The following PAK3 variants were observed in gnomAD, a reference collection of about 807,000 sequenced individuals.
PAK3 encodes serine/threonine-protein kinase PAK 3.
PAK3 carries 4 observed loss-of-function variants against 41.0 expected under a neutral mutation model. The ratio of observed to expected loss-of-function variants is 0.10; its 90% CI spans 0.05 to 0.22. The LOEUF is 0.22. Among genes scored for constraint, PAK3 ranks in the 10% least tolerant of loss-of-function variants. PAK3 has a pLI of 1.00. For synonymous variants in PAK3, 146 were observed against 139.6 expected, an observed-to-expected ratio of 1.05 and a Z score of -0.32; for missense variants, 205 against 409.9, an observed-to-expected ratio of 0.50 and a Z score of 4.32.
At chrX:111,114,709 G>A (rs2093432447) in intron 4 of PAK3, among the ~76,000 whole-genome samples, 2 of 111,601 alleles carry the variant, frequency 1.8e-5, no homozygotes. Context: ...TGACGTAGAG[G>A]ATTTGTCAGG....
chrX:111,066,144 G>A (rs1383556020), intron 1 of PAK3, among the ~76,000 whole-genome samples: 1 of 111,672 alleles, frequency 9.0e-6, no homozygotes, highest in East Asian at 2.8e-4. Flanking sequence ...TGTGATGTCA[G>A]ATCAGTAATT....
At chrX:110,987,864 G>A (rs1446465498) in intron 1 of PAK3, among the ~76,000 whole-genome samples, 2 of 110,930 alleles carry the variant, frequency 1.8e-5, no homozygotes, top group Non-Finnish European at 3.8e-5. Flanking sequence ...GGCTCAAACA[G>A]ACCCCTCACA....
At chrX:111,084,714 T>G (rs1343456632) in intron 1 of PAK3, among the ~76,000 whole-genome samples, 1 of 112,422 alleles carries the variant, frequency 8.9e-6, no homozygotes, top group Non-Finnish European at 1.9e-5. Context: ...AGTTTTTAAC[T>G]ACATTGTCTG....
intron 1 of PAK3, among the ~76,000 whole-genome samples, chrX:111,046,218 G>A (rs763985615): frequency 6.3e-5 from 7 of 111,577 alleles, no homozygotes; most frequent in Admixed American, 2.9e-4. Context: ...TGCTGTCAGC[G>A]AAAGGAAGGG....
intron 11 of PAK3, among the ~76,000 whole-genome samples, chrX:111,178,234 G>T (rs1443632544): frequency 2.7e-5 from 3 of 110,999 alleles, no homozygotes; most frequent in East Asian, 5.7e-4. Context: ...TCTTTGGCTG[G>T]CCTGGTCCTA....
intron 4 of PAK3, among the ~76,000 whole-genome samples, chrX:111,104,840 AAGG>A (rs2148910738): frequency 9.0e-6 from 1 of 111,445 alleles, no homozygotes; most frequent in East Asian, 2.8e-4. Flanking sequence ...CTGTTTTACC[AAGG>A]AGGAGATAGA....
chrX:111,126,062 G>A (rs907441660), intron 5 of PAK3, among the ~76,000 whole-genome samples: 2 of 111,390 alleles, frequency 1.8e-5, no homozygotes, highest in Admixed American at 9.5e-5. Context: ...CTGACTCTAA[G>A]AGTATAGACA....
At chrX:111,037,721 A>T (rs1425437617) in intron 1 of PAK3, among the ~76,000 whole-genome samples, 1 of 111,724 alleles carries the variant, frequency 9.0e-6, no homozygotes, top group African/African-American at 3.3e-5. Context: ...TATCAGTTAT[A>T]GCTTCATGTC....
intron 7 of PAK3, among the ~76,000 whole-genome samples, chrX:111,149,081 C>T (rs754464317): frequency 3.9e-4 from 43 of 111,440 alleles, no homozygotes; most frequent in Non-Finnish European, 7.3e-4. Context: ...GAGAAATTGG[C>T]CAAAACAAAG....
intron 1 of PAK3, among the ~76,000 whole-genome samples, chrX:111,008,673 G>C (rs766889905): frequency 8.9e-6 from 1 of 112,601 alleles, no homozygotes; most frequent in Non-Finnish European, 1.9e-5. Flanking sequence ...GATCTTCTCT[G>C]AGTCTCCATT....
chrX:111,216,679 AC>A, intron 17 of PAK3, 121 bp downstream of exon 17: 1 of 622,110 alleles, frequency 1.6e-6, no homozygotes, highest in Non-Finnish European at 2.7e-6. Context: ...TTTATTTTAG[AC>A]CACAGGCACA....
intron 16 of PAK3, among the ~76,000 whole-genome samples, chrX:111,205,811 C>T (rs951034388): frequency 4.5e-5 from 5 of 111,644 alleles, no homozygotes; most frequent in Non-Finnish European, 9.4e-5. Flanking sequence ...ATGCATGTTT[C>T]ACAGATCATA....
intron 1 of PAK3, among the ~76,000 whole-genome samples, chrX:111,041,003 T>G (rs1245884628): frequency 8.9e-6 from 1 of 112,440 alleles, no homozygotes; most frequent in East Asian, 2.8e-4. Flanking sequence ...GCTGAGTCAG[T>G]TCCTCAGTGG....
At chrX:111,217,034 A>G (rs1225745343) in intron 17 of PAK3, 1 of 751,564 alleles carries the variant, frequency 1.3e-6, no homozygotes. Context: ...TCCAGTGGTG[A>G]GTGCCTCTGT....
chrX:111,058,888 T>C lies in PAK3; in HGVS notation c.-27-64189T>C, dbSNP rs959457862. Among the ~76,000 whole-genome samples the C allele has an allele frequency of 3.6e-5, 4 of 111,576 alleles. No individual in the cohort carries two copies. In the South Asian group the frequency reaches 1.5e-3, roughly 42 times the overall value. On this transcript the variant is annotated intron_variant, in intron 1 of 14. Coordinates refer to the PAK3 transcript ENST00000425146. ...ATTCTTTTGCATGTGGATATCCAGT[T>C]GTCTCAGTACCATTTGTTGAAGAAA...
chrX:111,092,926 T>A (rs1036596262), upstream of PAK3, among the ~76,000 whole-genome samples: 13 of 112,075 alleles, frequency 1.2e-4, no homozygotes, highest in Non-Finnish European at 1.9e-4. Flanking sequence ...TCCTAAGTAC[T>A]ACCCACTTGT....
chrX:111,170,581 A>T (rs780613483), intron 10 of PAK3, among the ~76,000 whole-genome samples: 1 of 111,658 alleles, frequency 9.0e-6, no homozygotes, highest in African/African-American at 3.2e-5. Context: ...ATCAACAAAT[A>T]TTTGTTTAGT....
intron 8 of PAK3, among the ~76,000 whole-genome samples, chrX:111,155,717 T>G (rs2094098566): frequency 9.0e-6 from 1 of 111,147 alleles, no homozygotes; most frequent in Non-Finnish European, 1.9e-5. Flanking sequence ...ATATAAAAGT[T>G]GGCATTTGAG....
At chrX:111,047,451 G>A (rs1387305603) in intron 1 of PAK3, among the ~76,000 whole-genome samples, 4 of 110,322 alleles carry the variant, frequency 3.6e-5, no homozygotes, top group Admixed American at 9.7e-5. Flanking sequence ...AGTGCTGTAG[G>A]AGATAGAGAA....
Sources: allele counts gnomAD v4.1 joint callset (sites outside exome capture counted in the v4.1 genomes callset), GRCh38; gene constraint gnomAD v4.1.1; transcripts MANE v1.5; gene names NCBI Gene and HGNC (gene_info 2026-07-23, HGNC 2026-07-21).